RB1: variants seen among roughly 807,000 people sequenced by gnomAD.
The protein encoded by RB1 is retinoblastoma-associated protein.
Under a neutral mutation model 135.4 loss-of-function variants are expected in RB1, and 18 were observed. That is an observed-to-expected ratio of 0.13 (90% CI 0.09 to 0.20). RB1 has a LOEUF of 0.20. Among genes scored for constraint, RB1 ranks in the 10% least tolerant of loss-of-function variants. The pLI, the probability that RB1 is intolerant of heterozygous loss-of-function variation, is 1.00. For missense variants in RB1, 868 were observed against 1,110.0 expected (o/e 0.78, Z 3.10); for synonymous variants, 365 against 373.2 (o/e 0.98, Z 0.25).
chr13:48,351,232 C>A (rs543594822), intron 6 of RB1, among the ~76,000 whole-genome samples: 1 of 152,236 alleles, frequency 6.6e-6, no homozygotes, highest in South Asian at 2.1e-4. Flanking sequence ...CTTTTGCAAC[C>A]TCACCAGTAT....
chr13:48,368,742 A>C, intron 11 of RB1, 138 bp downstream of exon 11: 1 of 1,305,168 alleles, frequency 7.7e-7, no homozygotes, highest in African/African-American at 1.5e-5. Context: ...GTGGTGGATC[A>C]CACCTGTAAT....
At chr13:48,377,150 A>G in intron 13 of RB1, 116 bp downstream of exon 13, 1 of 1,101,286 alleles carries the variant, frequency 9.1e-7, no homozygotes, top group South Asian at 1.3e-5. Context: ...AAATACTGTC[A>G]GATACTATAT....
At chr13:48,394,080 A>G (rs1263405934) in intron 17 of RB1, among the ~76,000 whole-genome samples, 1 of 152,154 alleles carries the variant, frequency 6.6e-6, no homozygotes, top group Non-Finnish European at 1.5e-5. Flanking sequence ...CTGGTTAGAC[A>G]GTGGATGCAG....
chr13:48,320,171 C>A, intron 2 of RB1: 1 of 856,536 alleles, frequency 1.2e-6, no homozygotes, highest in South Asian at 1.6e-5. Flanking sequence ...CTCATGGGGT[C>A]AAAGTCAGCA....
rs1555293654 is a variant in RB1, at chr13:48,453,111, T to C, written c.1814T>C (p.Met605Thr). The stretch of plus-strand genomic sequence containing the variant: ...CAGAATAATCACACTGCAGCAGATA[T>C]GTAAGCAAAATATATGTTATGTTGA... ...PLQNNHTAAD[M>T]YLSPVRSPKK... The change falls in exon 18 of 27, where the codon ATG becomes ACG. Residue 605 changes from methionine (M) to threonine (T), a missense_variant and splice_region_variant. By Grantham distance (81) the Met-to-Thr change is moderately conservative. Around this residue, in one of 3 missense-constraint regions of RB1, gnomAD observed 641 missense variants for 791.3 expected, o/e 0.81. Coordinates refer to ENST00000267163, the MANE Select transcript of RB1 (RefSeq NM_000321.3). The C allele has an allele frequency of 1.9e-6, 3 of 1,611,230 alleles. No homozygotes were observed. The highest frequency in any genetic ancestry group is 2.5e-6 in the Non-Finnish European group (3 of 1,178,958).
rs759807882 is a variant in RB1 at position 48,412,279 on chromosome 13, G to A, written c.1695+30836G>A. ...ATCATGTAAGTTGTAGTTTCATTTCGGACTTTGAGGACGCAGATGAAAATG... is the reference window on the plus strand; with the variant it reads ...ATCATGTAAGTTGTAGTTTCATTTCAGACTTTGAGGACGCAGATGAAAATG... On this transcript the variant is annotated intron_variant, in intron 17 of 26. Coordinates refer to ENST00000267163, the MANE Select transcript of RB1 (RefSeq NM_000321.3). The A allele has an allele frequency of 5.0e-6, 8 of 1,613,722 alleles. No homozygotes were observed. Among genetic ancestry groups the A allele is most frequent in the Admixed American group, 1.7e-5 (1 of 59,980 alleles).
At chr13:48,454,629 T>C (rs1949349032) in intron 18 of RB1, among the ~76,000 whole-genome samples, 1 of 152,050 alleles carries the variant, frequency 6.6e-6, no homozygotes, top group African/African-American at 2.4e-5. Context: ...GTATAATAAG[T>C]GCTACAAAGG....
intron 2 of RB1, among the ~76,000 whole-genome samples, chr13:48,308,398 A>G (rs933782314): frequency 2.0e-5 from 3 of 152,078 alleles, no homozygotes; most frequent in Non-Finnish European, 4.4e-5. Flanking sequence ...TCAAACCTGT[A>G]ATCCCAGCAC....
chr13:48,346,444 C>A (rs2138089782), intron 4 of RB1, among the ~76,000 whole-genome samples: 1 of 144,324 alleles, frequency 6.9e-6, no homozygotes, highest in East Asian at 2.1e-4. Context: ...TTGTGACTTT[C>A]TAAATTTTTT....
intron 17 of RB1, among the ~76,000 whole-genome samples, chr13:48,433,155 A>G (rs1030116590): frequency 6.6e-6 from 1 of 152,104 alleles, no homozygotes; most frequent in Non-Finnish European, 1.5e-5. Context: ...AAGCTACTAA[A>G]CCTCAGTATT....
At chr13:48,422,124 G>C (rs916504443) in intron 17 of RB1, among the ~76,000 whole-genome samples, 1 of 152,078 alleles carries the variant, frequency 6.6e-6, no homozygotes. Context: ...ACCCAAATGC[G>C]CATCAATGAT....
chr13:48,373,556 T>G, intron 12 of RB1, 64 bp downstream of exon 12: 1 of 1,045,012 alleles, frequency 9.6e-7, no homozygotes, highest in South Asian at 1.3e-5. Flanking sequence ...AATTAAAAGT[T>G]AAAGTACTGA....
chr13:48,400,442 A>T (rs1400802959), intron 17 of RB1, among the ~76,000 whole-genome samples: 2 of 152,004 alleles, frequency 1.3e-5, no homozygotes, highest in Non-Finnish European at 2.9e-5. Flanking sequence ...CTTTTAGTGT[A>T]TATTAGTTTA....
At chr13:48,433,336 C>G (rs1386705746) in intron 17 of RB1, among the ~76,000 whole-genome samples, 3 of 152,046 alleles carry the variant, frequency 2.0e-5, no homozygotes, top group Non-Finnish European at 4.4e-5. Context: ...AAATATACCA[C>G]TAACTCTAAA....
intron 2 of RB1, among the ~76,000 whole-genome samples, chr13:48,321,091 A>G (rs1359951646): frequency 6.6e-6 from 1 of 152,022 alleles, no homozygotes; most frequent in African/African-American, 2.4e-5. Flanking sequence ...TGCTTTTTAA[A>G]TAGACTTTTG....
At chr13:48,321,456 T>A (rs1952240108) in intron 2 of RB1, among the ~76,000 whole-genome samples, 1 of 151,544 alleles carries the variant, frequency 6.6e-6, no homozygotes, top group Admixed American at 6.6e-5. Flanking sequence ...TCATTCTGAC[T>A]GTGATAAGGT....
At chr13:48,349,170 T>C in intron 6 of RB1, 147 bp downstream of exon 6, 1 of 781,054 alleles carries the variant, frequency 1.3e-6, no homozygotes, top group Non-Finnish European at 1.8e-6. Flanking sequence ...CAAGTTCCTA[T>C]AATTCTGGTA....
At chr13:48,429,933 G>T (rs1197441977) in intron 17 of RB1, among the ~76,000 whole-genome samples, 1 of 152,212 alleles carries the variant, frequency 6.6e-6, no homozygotes, top group Non-Finnish European at 1.5e-5. Context: ...ACTTGAACAT[G>T]TGCCAGGCAG....
intron 23 of RB1, among the ~76,000 whole-genome samples, chr13:48,466,416 A>G (rs1380258824): frequency 1.6e-5 from 2 of 121,264 alleles, no homozygotes; most frequent in African/African-American, 5.9e-5. Context: ...GTACATCACC[A>G]TCATCAAAGA....
Sources: allele counts gnomAD v4.1 joint callset (sites outside exome capture counted in the v4.1 genomes callset), GRCh38; gene constraint gnomAD v4.1.1; regional missense constraint gnomAD v4.1.1; transcripts MANE v1.5; gene names NCBI Gene and HGNC (gene_info 2026-07-23, HGNC 2026-07-21).